PPIF: variants seen among roughly 807,000 people sequenced by gnomAD.
PPIF encodes the protein peptidylprolyl isomerase F.
In PPIF, 23 loss-of-function variants were observed where a neutral mutation model predicts 20.2. The observed-to-expected ratio is 1.14, with a 90% CI of 0.82 to 1.61. The LOEUF (loss-of-function observed/expected upper bound fraction) is 1.61. Among genes scored for constraint, PPIF ranks in the 40% most tolerant of loss-of-function variants. The pLI is 0.00. For synonymous variants in PPIF, 113 were observed against 123.1 expected, an observed-to-expected ratio of 0.92 and a Z score of 0.54; for missense variants, 287 against 291.6, an observed-to-expected ratio of 0.98 and a Z score of 0.11.
chr10:79,351,534 C>T lies in PPIF; in HGVS notation c.363C>T (p.Tyr121=), dbSNP rs149277242. 36 of 1,613,950 alleles carry T rather than the reference C, an allele frequency of 2.2e-5. No homozygotes were observed. The highest frequency in any genetic ancestry group is 8.8e-5 in the South Asian group (8 of 91,074). Residue 121 remains tyrosine (Y), a synonymous_variant, in exon 4 of 6, where the codon TAC becomes TAT. Coordinates refer to ENST00000225174, the MANE Select transcript of PPIF (RefSeq NM_005729.4). ...NHNGTGGKSI[Y]GSRFPDENFT... ...ATGGCACAGGCGGGAAGTCCATCTA[C>T]GGAAGCCGCTTTCCTGACGAGAACT...
Position 79,349,074 on chromosome 10 carries a change from A to G in PPIF, c.196-2A>G. ...TCTTTTGTCCTTCTTCTCCCCCAACAGCTGAAGGCAGATGTCGTCCCAAAG... is the reference window on the plus strand; with the variant it reads ...TCTTTTGTCCTTCTTCTCCCCCAACGGCTGAAGGCAGATGTCGTCCCAAAG... On this transcript the variant is annotated splice_acceptor_variant, in intron 1 of 5. Transcript: ENST00000225174. LOFTEE classifies it high-confidence loss of function. The G allele has an allele frequency of 6.2e-7, 1 of 1,613,940 alleles. No homozygotes were observed. The highest frequency in any genetic ancestry group is 1.3e-5 in the African/African-American group (1 of 75,030).
intron 3 of PPIF, among the ~76,000 whole-genome samples, chr10:79,351,074 A>T (rs993815113): frequency 6.6e-5 from 10 of 152,216 alleles, no homozygotes; most frequent in Non-Finnish European, 1.5e-4. Flanking sequence ...CGGCCTGGGG[A>T]GCTGGTCTGG....
intron 1 of PPIF, among the ~76,000 whole-genome samples, chr10:79,348,370 A>C (rs1855930228): frequency 6.6e-6 from 1 of 152,154 alleles, no homozygotes; most frequent in African/African-American, 2.4e-5. Flanking sequence ...CTTGGGGGCC[A>C]CACTGAGCAC....
chr10:79,352,090 G>A (rs1197261220), intron 4 of PPIF, among the ~76,000 whole-genome samples: 1 of 151,998 alleles, frequency 6.6e-6, no homozygotes, highest in Non-Finnish European at 1.5e-5. Context: ...ACCACTGAGA[G>A]CTTCCACAAG....
Sources: allele counts gnomAD v4.1 joint callset (sites outside exome capture counted in the v4.1 genomes callset), GRCh38; gene constraint gnomAD v4.1.1; transcripts MANE v1.5; gene names NCBI Gene and HGNC (gene_info 2026-07-23, HGNC 2026-07-21).